Variants in SLIT3 observed in about 807,000 individuals in gnomAD.
The protein encoded by SLIT3 is slit homolog 3 protein.
A neutral mutation model predicts 184.0 loss-of-function variants in SLIT3; 68 were observed. The ratio of observed to expected loss-of-function variants is 0.37; its 90% CI spans 0.30 to 0.45. SLIT3 has a LOEUF of 0.45. SLIT3 is among the 20% of genes least tolerant of loss of function. The probability of loss-of-function intolerance (pLI) is 1.00; values close to 1 mark genes in which losing one functional copy is unlikely to be tolerated. For synonymous variants in SLIT3, 831 were observed against 828.6 expected, an observed-to-expected ratio of 1.00 and a Z score of -0.05; for missense variants, 1,707 against 2,026.0, an observed-to-expected ratio of 0.84 and a Z score of 3.02.
At chr5:168,829,163 A>G (rs1360097916) in intron 6 of SLIT3, among the ~76,000 whole-genome samples, 3 of 152,148 alleles carry the variant, frequency 2.0e-5, no homozygotes, top group Non-Finnish European at 4.4e-5. Context: ...GGCAACCTTA[A>G]TAAGGCTGAT....
intron 20 of SLIT3, among the ~76,000 whole-genome samples, chr5:168,747,533 G>A (rs926036906): frequency 6.6e-6 from 1 of 152,140 alleles, no homozygotes. Flanking sequence ...GTGCTCCTCT[G>A]GTCCTAGCTG....
At chr5:169,056,842 GA>G (rs1356246314) in intron 4 of SLIT3, among the ~76,000 whole-genome samples, 1 of 152,206 alleles carries the variant, frequency 6.6e-6, no homozygotes, top group Non-Finnish European at 1.5e-5. Context: ...CAGGGCCACA[GA>G]AAGAATACTC....
intron 27 of SLIT3, among the ~76,000 whole-genome samples, chr5:168,699,802 A>G (rs575419058): frequency 1.7e-4 from 26 of 152,118 alleles, no homozygotes; most frequent in Non-Finnish European, 3.1e-4. Flanking sequence ...AAAATACTTG[A>G]CTAGTTGGTA....
In SLIT3 at chr5:168,685,192, A is replaced by C. The variant is rs1245436220; in HGVS notation, c.3555+495T>G. On this transcript the variant is annotated intron_variant, in intron 31 of 35. Transcript: ENST00000519560. ...TTGAACTCCTGACCTCAAGTGATCC[A>C]CCCACCTCAGCCTCCCTAAGTGTTG... 2.6e-5 allele frequency among the ~76,000 whole-genome samples: 4 copies of C among 152,222 alleles called. No individual in the cohort carries two copies. In the South Asian group the frequency reaches 8.3e-4, roughly 32 times the overall value.
Position 168,774,368 on chromosome 5 carries a change from C to T in SLIT3, c.1162G>A (p.Ala388Thr), listed in dbSNP as rs2113541596. 1 of 1,611,364 alleles carries T rather than the reference C, an allele frequency of 6.2e-7. No homozygotes were observed. The highest frequency in any genetic ancestry group is 1.3e-5 in the African/African-American group (1 of 74,902). Residue 388 changes from alanine to threonine, a missense_variant, in exon 13 of 36, where the codon GCC becomes ACC. Coordinates refer to ENST00000519560, the MANE Select transcript of SLIT3 (RefSeq NM_003062.4). Reference sequence around the variant, plus strand: ...ACCCGCAGGCAGTTGATCTTGTTGGCATTGAGGAGGCTGCAAACAGAAGAG... The same window carrying T: ...ACCCGCAGGCAGTTGATCTTGTTGGTATTGAGGAGGCTGCAAACAGAAGAG... ...LVSLQLLLLNANKINCLRVNT... is the reference protein window; with the variant it reads ...LVSLQLLLLNTNKINCLRVNT...
At chr5:168,886,593 C>A (rs1198942740) in intron 4 of SLIT3, among the ~76,000 whole-genome samples, 2 of 152,108 alleles carry the variant, frequency 1.3e-5, no homozygotes, top group Non-Finnish European at 2.9e-5. Flanking sequence ...CTGAGGAGGG[C>A]AGACATGCTC....
chr5:168,764,626 C>T (rs17634835), intron 14 of SLIT3, among the ~76,000 whole-genome samples: 1,718 of 152,224 alleles, frequency 0.011, 16 homozygotes, highest in Non-Finnish European at 0.018. Flanking sequence ...AATTCCTGAT[C>T]GAGAATGAAC....
At chr5:168,857,140 G>A (rs1257091044) in intron 5 of SLIT3, among the ~76,000 whole-genome samples, 1 of 151,962 alleles carries the variant, frequency 6.6e-6, no homozygotes, top group East Asian at 1.9e-4. Flanking sequence ...GGACCACCTG[G>A]GCAAAGGCCA....
At chr5:169,011,910 T>C (rs1756170481) in intron 4 of SLIT3, among the ~76,000 whole-genome samples, 1 of 151,218 alleles carries the variant, frequency 6.6e-6, no homozygotes, top group African/African-American at 2.4e-5. Context: ...TCATTCAACA[T>C]AGGGGACTTC....
intron 18 of SLIT3, 126 bp from the exon 19 acceptor site, chr5:168,749,761 T>C: frequency 1.1e-6 from 1 of 922,070 alleles, no homozygotes; most frequent in Non-Finnish European, 1.7e-6. Flanking sequence ...CGTAGGCTCT[T>C]CCCCAGATGC....
At chr5:169,288,661 T>A (rs1380477410) in intron 1 of SLIT3, among the ~76,000 whole-genome samples, 1 of 152,234 alleles carries the variant, frequency 6.6e-6, no homozygotes, top group Non-Finnish European at 1.5e-5. Context: ...AGACACTCAA[T>A]AAATGGCCCC....
chr5:169,116,656 C>T (rs940099163), intron 4 of SLIT3, among the ~76,000 whole-genome samples: 3 of 152,176 alleles, frequency 2.0e-5, no homozygotes, highest in African/African-American at 7.2e-5. Context: ...CATGATCCTT[C>T]CATTAATTAT....
chr5:169,276,090 CAAAG>C (rs1766793982), intron 1 of SLIT3, among the ~76,000 whole-genome samples: 1 of 152,074 alleles, frequency 6.6e-6, no homozygotes, highest in East Asian at 1.9e-4. Flanking sequence ...TAAGCCTAAA[CAAAG>C]AAAGAGAGCA....
At chr5:169,157,710 C>G (rs1279071635) in intron 4 of SLIT3, among the ~76,000 whole-genome samples, 1 of 152,152 alleles carries the variant, frequency 6.6e-6, no homozygotes, top group African/African-American at 2.4e-5. Flanking sequence ...TGAGAAATGA[C>G]AATCAAAAGA....
intron 4 of SLIT3, among the ~76,000 whole-genome samples, chr5:169,174,854 T>A (rs1363397671): frequency 2.6e-5 from 4 of 152,154 alleles, no homozygotes; most frequent in Admixed American, 2.6e-4. Flanking sequence ...CCCATGGAGC[T>A]GAAGCTCAAC....
chr5:169,017,142 A>T (rs780327287), intron 4 of SLIT3, among the ~76,000 whole-genome samples: 4 of 152,200 alleles, frequency 2.6e-5, no homozygotes, highest in Non-Finnish European at 5.9e-5. Flanking sequence ...GTCATTATGG[A>T]TCTTCAGTTA....
chr5:169,088,647 G>A (rs561463543), intron 4 of SLIT3, among the ~76,000 whole-genome samples: 2 of 152,220 alleles, frequency 1.3e-5, no homozygotes, highest in Admixed American at 1.3e-4. Flanking sequence ...ATCAGATTGA[G>A]CACTGGCTGC....
intron 4 of SLIT3, among the ~76,000 whole-genome samples, chr5:168,966,730 G>A (rs549431417): frequency 1.6e-3 from 241 of 152,316 alleles, no homozygotes; most frequent in African/African-American, 5.5e-3. Context: ...CAAGAGAGAT[G>A]CAAGTCAGAG....
At chr5:168,943,628 A>G (rs1177963535) in intron 4 of SLIT3, among the ~76,000 whole-genome samples, 1 of 152,124 alleles carries the variant, frequency 6.6e-6, no homozygotes, top group Non-Finnish European at 1.5e-5. Context: ...AGGTCAAATG[A>G]GAAATATGAA....
Sources: allele counts gnomAD v4.1 joint callset (sites outside exome capture counted in the v4.1 genomes callset), GRCh38; gene constraint gnomAD v4.1.1; transcripts MANE v1.5; gene names NCBI Gene and HGNC (gene_info 2026-07-23, HGNC 2026-07-21).